Variants in MACROD2 observed in about 807,000 individuals in gnomAD.
The protein encoded by MACROD2 is ADP-ribose glycohydrolase MACROD2.
MACROD2 carries 36 observed loss-of-function variants against 70.4 expected under a neutral mutation model. That is an observed-to-expected ratio of 0.51 (90% confidence interval 0.39 to 0.68). The LOEUF is 0.68. Among genes scored for constraint, MACROD2 ranks in the 30% least tolerant of loss-of-function variants. The pLI is 0.00. For synonymous variants in MACROD2, 172 were observed against 178.8 expected, an observed-to-expected ratio of 0.96 and a Z score of 0.30; for missense variants, 496 against 538.4, an observed-to-expected ratio of 0.92 and a Z score of 0.78.
chr20:14,783,259 A>C (rs1297033286), intron 5 of MACROD2, among the ~76,000 whole-genome samples: 2 of 152,172 alleles, frequency 1.3e-5, no homozygotes, highest in East Asian at 3.8e-4. Flanking sequence ...GGCCTGCAAG[A>C]AGGTAGTTGT....
intron 4 of MACROD2, among the ~76,000 whole-genome samples, chr20:14,610,162 G>T (rs1053882780): frequency 1.3e-5 from 2 of 151,982 alleles, no homozygotes; most frequent in Non-Finnish European, 2.9e-5. Context: ...TTGACAAAAT[G>T]GGTCATTTAG....
intron 2 of MACROD2, among the ~76,000 whole-genome samples, chr20:14,031,723 A>G (rs2053248378): frequency 6.6e-6 from 1 of 152,176 alleles, no homozygotes; most frequent in African/African-American, 2.4e-5. Flanking sequence ...ACATACAGTT[A>G]AAAAATGATA....
chr20:15,920,390 G>A (rs755478699), intron 10 of MACROD2, among the ~76,000 whole-genome samples: 1 of 152,150 alleles, frequency 6.6e-6, no homozygotes, highest in Non-Finnish European at 1.5e-5. Flanking sequence ...GAAAAAATAA[G>A]CTAACAGGGG....
chr20:14,538,371 T>A (rs1348135430), intron 4 of MACROD2, among the ~76,000 whole-genome samples: 1 of 152,220 alleles, frequency 6.6e-6, no homozygotes, highest in Non-Finnish European at 1.5e-5. Flanking sequence ...AGATGGCAAC[T>A]TATTGTCACA....
chr20:14,103,299 C>CA (rs1404588539), intron 3 of MACROD2, among the ~76,000 whole-genome samples: 4 of 152,092 alleles, frequency 2.6e-5, no homozygotes, highest in Admixed American at 2.6e-4. Flanking sequence ...TAAATAGTAA[C>CA]AAAGTCTTCC....
intron 13 of MACROD2, among the ~76,000 whole-genome samples, chr20:15,983,329 T>A (rs1479436164): frequency 6.6e-6 from 1 of 152,154 alleles, no homozygotes; most frequent in Non-Finnish European, 1.5e-5. Flanking sequence ...GTTGATGAAA[T>A]GCCAGGGTGA....
At chr20:14,434,986 G>C (rs921010489) in intron 3 of MACROD2, among the ~76,000 whole-genome samples, 1 of 152,138 alleles carries the variant, frequency 6.6e-6, no homozygotes, top group African/African-American at 2.4e-5. Context: ...TCCACAGAAG[G>C]TCTGTTGATA....
At chr20:14,873,909 G>A (rs1010091039) in intron 5 of MACROD2, among the ~76,000 whole-genome samples, 6 of 152,044 alleles carry the variant, frequency 3.9e-5, no homozygotes, top group Admixed American at 2.0e-4. Flanking sequence ...AATTTATTCA[G>A]GATAGCATAT....
intron 3 of MACROD2, among the ~76,000 whole-genome samples, chr20:14,301,398 C>G (rs115795975): frequency 0.015 from 2,292 of 152,248 alleles, 24 homozygotes; most frequent in African/African-American, 0.027. Context: ...ACTATCTGCA[C>G]TGGTAGAAAG....
At chr20:15,989,279 C>T (rs1230727259) in intron 15 of MACROD2, among the ~76,000 whole-genome samples, 1 of 152,136 alleles carries the variant, frequency 6.6e-6, no homozygotes, top group Non-Finnish European at 1.5e-5. Flanking sequence ...TTACATTATC[C>T]TTCAACAACA....
At chr20:14,546,536 TAG>T (rs1285766449) in intron 4 of MACROD2, among the ~76,000 whole-genome samples, 1 of 152,146 alleles carries the variant, frequency 6.6e-6, no homozygotes, top group African/African-American at 2.4e-5. Context: ...AGTGAGAAAA[TAG>T]AGACTACATC....
intron 5 of MACROD2, among the ~76,000 whole-genome samples, chr20:15,079,073 A>T (rs1489589365): frequency 6.6e-6 from 1 of 152,154 alleles, no homozygotes. Context: ...TGAAAGAAAG[A>T]TGACCTCCTT....
intron 16 of MACROD2, among the ~76,000 whole-genome samples, 200 bp from the exon 17 acceptor site, chr20:16,044,371 A>G (rs564826131): frequency 2.6e-5 from 4 of 152,178 alleles, no homozygotes; most frequent in Admixed American, 2.6e-4. Context: ...TAAGATTTGA[A>G]GGGGGCGTCT....
chr20:14,715,219 A>C (rs892249850), intron 5 of MACROD2, among the ~76,000 whole-genome samples: 2 of 152,072 alleles, frequency 1.3e-5, no homozygotes, highest in Non-Finnish European at 2.9e-5. Flanking sequence ...AAACCATCAG[A>C]TCTCATGAGG....
intron 5 of MACROD2, among the ~76,000 whole-genome samples, chr20:15,084,074 T>TTTTGTTTTTTTGTTTTTTTG (rs11466981): frequency 8.5e-6 from 1 of 117,026 alleles, no homozygotes; most frequent in Non-Finnish European, 2.1e-5. Flanking sequence ...TTTTTTTTGT[T>TTTTGTTTTTTTGTTTTTTTG]TTTTTTTTTT....
At chr20:14,318,575 T>A (rs2082632791) in intron 3 of MACROD2, among the ~76,000 whole-genome samples, 2 of 152,208 alleles carry the variant, frequency 1.3e-5, no homozygotes, top group South Asian at 4.1e-4. Flanking sequence ...GAGATAAAGT[T>A]GGATTTAATT....
At chr20:14,381,728 C>T (rs2083422331) in intron 3 of MACROD2, among the ~76,000 whole-genome samples, 1 of 152,146 alleles carries the variant, frequency 6.6e-6, no homozygotes, top group Non-Finnish European at 1.5e-5. Context: ...GATTCTTTGT[C>T]TCTATTATGT....
intron 9 of MACROD2, among the ~76,000 whole-genome samples, chr20:15,871,125 G>T (rs1426294977): frequency 7.3e-6 from 1 of 136,550 alleles, no homozygotes; most frequent in Non-Finnish European, 1.5e-5. Flanking sequence ...GCAGTGAGCC[G>T]AGATCACACC....
chr20:15,749,924 C>T (rs1037902448), intron 8 of MACROD2, among the ~76,000 whole-genome samples: 1 of 152,050 alleles, frequency 6.6e-6, no homozygotes, highest in African/African-American at 2.4e-5. Context: ...ACAGGAAATG[C>T]TTTAAGACAT....
Sources: allele counts gnomAD v4.1 joint callset (sites outside exome capture counted in the v4.1 genomes callset), GRCh38; gene constraint gnomAD v4.1.1; transcripts MANE v1.5; gene names NCBI Gene and HGNC (gene_info 2026-07-23, HGNC 2026-07-21).